ACYP2: variants seen among roughly 807,000 people sequenced by gnomAD.
The protein encoded by ACYP2 is acylphosphatase-2.
Under a neutral mutation model 11.2 loss-of-function variants are expected in ACYP2, and 12 were observed. The ratio of observed to expected loss-of-function variants is 1.08; its 90% CI spans 0.69 to 1.74. The LOEUF (loss-of-function observed/expected upper bound fraction) is 1.74. Among genes scored for constraint, ACYP2 ranks in the 40% most tolerant of loss-of-function variants. The pLI is 0.00. For missense variants in ACYP2, 134 were observed against 101.9 expected (o/e 1.31, Z -1.35); for synonymous variants, 43 against 32.2 (o/e 1.33, Z -1.13).
At chr2:54,059,482 G>A (rs1676352771) in intron 4 of ACYP2, among the ~76,000 whole-genome samples, 1 of 152,154 alleles carries the variant, frequency 6.6e-6, no homozygotes, top group Non-Finnish European at 1.5e-5. Context: ...AAAGTGCTGG[G>A]ATTACAGGTG....
intron 4 of ACYP2, among the ~76,000 whole-genome samples, chr2:54,112,838 A>G (rs1299961178): frequency 6.6e-6 from 1 of 152,264 alleles, no homozygotes; most frequent in Non-Finnish European, 1.5e-5. Context: ...TGGCAGACAC[A>G]GCAAATTTTT....
chr2:54,108,660 C>T (rs951627358), intron 4 of ACYP2, among the ~76,000 whole-genome samples: 2 of 152,106 alleles, frequency 1.3e-5, no homozygotes, highest in Non-Finnish European at 2.9e-5. Flanking sequence ...CCCTTTTTCG[C>T]CTTCCCTGTC....
At chr2:54,124,097 A>G (rs1044008573) in intron 4 of ACYP2, among the ~76,000 whole-genome samples, 1 of 152,250 alleles carries the variant, frequency 6.6e-6, no homozygotes, top group Non-Finnish European at 1.5e-5. Context: ...AAAAGGACAC[A>G]TTACAAAAAG....
In ACYP2 at chr2:54,266,698, C is replaced by T. The variant is rs559644123; in HGVS notation, c.405-37990C>T. Reference sequence around the variant, plus strand: ...TCGGCTCACTGCAAGCTCCGCCGTCCGGGTTCACGCCATTCTCCTGCCTCA... The same window carrying T: ...TCGGCTCACTGCAAGCTCCGCCGTCTGGGTTCACGCCATTCTCCTGCCTCA... On this transcript the variant is annotated intron_variant, in intron 6 of 6. Coordinates refer to ENST00000607452, the MANE Select transcript of ACYP2 (RefSeq NM_001320586.2). Among the ~76,000 whole-genome samples, 29 of 141,002 alleles carry T rather than the reference C, an allele frequency of 2.1e-4. 1 individual carries two copies. Among genetic ancestry groups the T allele is most frequent in the Non-Finnish European group, 3.5e-4 (23 of 66,046 alleles). 92.5% of individuals were successfully genotyped at this position (141,002 alleles called of 152,430 possible).
At chr2:54,063,039 G>A (rs1676550782) in intron 4 of ACYP2, among the ~76,000 whole-genome samples, 8 of 152,122 alleles carry the variant, frequency 5.3e-5, no homozygotes, top group Admixed American at 5.2e-4. Context: ...CTAGTTCCTG[G>A]GGAGTTCCTG....
intron 6 of ACYP2, among the ~76,000 whole-genome samples, chr2:54,242,049 T>C (rs1686752155): frequency 6.6e-6 from 1 of 152,112 alleles, no homozygotes; most frequent in Non-Finnish European, 1.5e-5. Context: ...TAATAGCATA[T>C]GGGAGAAATT....
chr2:54,119,910 G>A (rs78300239), intron 4 of ACYP2, among the ~76,000 whole-genome samples: 4,634 of 152,222 alleles, frequency 0.03, 98 homozygotes, highest in Non-Finnish European at 0.05. Flanking sequence ...TGTCGATGAC[G>A]TTGGCAGTTT....
At chr2:54,261,228 A>T (rs1269430118) in intron 6 of ACYP2, among the ~76,000 whole-genome samples, 1 of 152,148 alleles carries the variant, frequency 6.6e-6, no homozygotes, top group Non-Finnish European at 1.5e-5. Context: ...TAAGGCATGG[A>T]CTAGAAACAG....
chr2:54,225,252 T>C (rs1685964556), intron 6 of ACYP2, among the ~76,000 whole-genome samples: 1 of 152,162 alleles, frequency 6.6e-6, no homozygotes, highest in Non-Finnish European at 1.5e-5. Flanking sequence ...AGCCAGGATA[T>C]GGCAGGCTGG....
At chr2:54,201,682 C>CTTTCTTTCTTTCTTTCTTTCTT (rs60217019) in intron 6 of ACYP2, among the ~76,000 whole-genome samples, 31 of 110,838 alleles carry the variant, frequency 2.8e-4, no homozygotes, top group Non-Finnish European at 4.3e-4. Flanking sequence ...TTCTTTCTTT[C>CTTTCTTTCTTTCTTTCTTTCTT]TCTCTCTCTC....
intron 4 of ACYP2, among the ~76,000 whole-genome samples, chr2:54,106,310 C>T (rs927413126): frequency 2.0e-5 from 3 of 149,564 alleles, no homozygotes; most frequent in Non-Finnish European, 3.0e-5. Context: ...GTGATCCTCC[C>T]GCCTTGGTCT....
At chr2:54,010,869 A>G (rs1486185799) in intron 2 of ACYP2, among the ~76,000 whole-genome samples, 1 of 148,550 alleles carries the variant, frequency 6.7e-6, no homozygotes, top group Non-Finnish European at 1.5e-5. Flanking sequence ...AGGTTTCACC[A>G]TGTTGCCCAG....
chr2:54,298,213 G>C (rs1689594203), intron 6 of ACYP2, among the ~76,000 whole-genome samples: 1 of 152,284 alleles, frequency 6.6e-6, no homozygotes, highest in East Asian at 1.9e-4. Context: ...CAAATTTAGT[G>C]TAACAGTTAC....
intron 6 of ACYP2, among the ~76,000 whole-genome samples, chr2:54,206,837 T>C (rs937071878): frequency 4.6e-5 from 7 of 152,212 alleles, no homozygotes; most frequent in Admixed American, 4.6e-4. Flanking sequence ...GTTCCATCCA[T>C]ATTGTTCGGG....
intron 6 of ACYP2, among the ~76,000 whole-genome samples, chr2:54,176,808 G>A (rs974372437): frequency 1.3e-5 from 2 of 152,144 alleles, no homozygotes; most frequent in African/African-American, 4.8e-5. Context: ...TGTTGAGAGG[G>A]TACCAAAGTC....
intron 6 of ACYP2, among the ~76,000 whole-genome samples, chr2:54,154,297 G>C (rs991688774): frequency 1.3e-5 from 2 of 151,944 alleles, no homozygotes; most frequent in Non-Finnish European, 2.9e-5. Flanking sequence ...TTACATAATT[G>C]CTCCACAAGG....
At chr2:54,064,060 G>T (rs1046382781) in intron 4 of ACYP2, among the ~76,000 whole-genome samples, 2 of 152,172 alleles carry the variant, frequency 1.3e-5, no homozygotes. Flanking sequence ...TGTTGCCCTT[G>T]TTAGTCTTGA....
chr2:54,264,449 C>T (rs1687925867), intron 6 of ACYP2, among the ~76,000 whole-genome samples: 1 of 152,150 alleles, frequency 6.6e-6, no homozygotes, highest in African/African-American at 2.4e-5. Flanking sequence ...CCCCACCCGA[C>T]CCAGAAGCCC....
Position 54,035,009 on chromosome 2 carries a change from C to CAAAAAAAAAAAAA in ACYP2, c.63-15938_63-15926dup, listed in dbSNP as rs550142135. ...CAGGCGACAGTGCGAGACTACATCT[C>CAAAAAAAAAAAAA]AAAAAAAAAAAAAAAAAAAAAAAGC... On this transcript the variant is annotated intron_variant, in intron 2 of 6. Coordinates refer to ENST00000607452, the MANE Select transcript of ACYP2 (RefSeq NM_001320586.2). 2.0e-3 allele frequency among the ~76,000 whole-genome samples: 89 copies of CAAAAAAAAAAAAA among 44,776 alleles called. 15 individuals are homozygous for CAAAAAAAAAAAAA. The highest frequency in any genetic ancestry group is 3.6e-3 in the Non-Finnish European group (69 of 18,948). The allele number at this position is 44,776 out of a possible 152,430, so 29.4% of individuals were successfully genotyped here.
Sources: gnomAD v4.1 joint callset for allele counts (sites outside exome capture counted in the v4.1 genomes callset) on GRCh38, gnomAD v4.1.1 for gene constraint, MANE v1.5 for transcripts, NCBI Gene and HGNC (gene_info 2026-07-23, HGNC 2026-07-21) for gene names.